DIP2A: variants seen among roughly 807,000 people sequenced by gnomAD.
The protein encoded by DIP2A is DIP2 acetate--CoA ligase A.
Under a neutral mutation model 177.4 loss-of-function variants are expected in DIP2A, and 85 were observed. The ratio of observed to expected loss-of-function variants is 0.48; its 90% CI spans 0.40 to 0.57. The LOEUF (loss-of-function observed/expected upper bound fraction) is 0.57. Among genes scored for constraint, DIP2A ranks in the 20% least tolerant of loss-of-function variants. DIP2A has a pLI of 0.00. For synonymous variants in DIP2A, 886 were observed against 881.8 expected (o/e 1.00, Z -0.08); for missense variants, 1,791 against 2,100.2 (o/e 0.85, Z 2.88).
intron 1 of DIP2A, among the ~76,000 whole-genome samples, chr21:46,463,836 G>A (rs2054560644): frequency 1.3e-5 from 2 of 151,772 alleles, no homozygotes; most frequent in Admixed American, 1.3e-4. Context: ...AGCCTCCTGA[G>A]TAGCTGGGAT....
Position 46,477,543 on chromosome 21 carries a change from T to TTGTGTGTG in DIP2A, c.92-7196_92-7189dup, listed in dbSNP as rs1555874551. On this transcript the variant is annotated intron_variant, in intron 1 of 37. Transcript: ENST00000417564. Reference sequence around the variant, plus strand: ...CTCCGCCTAAAATAAAAAAAAAGATTTGTGTGTGTGTGTGTGTGTGTGTGT... The same window carrying TTGTGTGTG: ...CTCCGCCTAAAATAAAAAAAAAGATTTGTGTGTGTGTGTGTGTGTGTGTGTGTGTGTGT... Among the ~76,000 whole-genome samples the TTGTGTGTG allele has an allele frequency of 2.7e-3, 232 of 87,132 alleles. 3 individuals are homozygous for TTGTGTGTG. Among genetic ancestry groups the TTGTGTGTG allele is most frequent in the African/African-American group, 9.5e-3 (220 of 23,232 alleles). 57.2% of individuals were successfully genotyped at this position (87,132 alleles called of 152,430 possible). A position where few individuals can be genotyped will look rare whatever the true frequency, so the allele number is the denominator to read the frequency against.
At chr21:46,521,692 A>G (rs1455541244) in intron 8 of DIP2A, among the ~76,000 whole-genome samples, 1 of 152,220 alleles carries the variant, frequency 6.6e-6, no homozygotes, top group Non-Finnish European at 1.5e-5. Flanking sequence ...CTCCAAGAAA[A>G]CTGTTGTGCT....
chr21:46,549,686 T>C (rs2060195253), intron 21 of DIP2A, 85 bp from the exon 22 acceptor site: 3 of 1,572,662 alleles, frequency 1.9e-6, no homozygotes, highest in Non-Finnish European at 2.6e-6. Flanking sequence ...TAGGACAGTC[T>C]GCCTCTTCCA....
At chr21:46,487,040 A>G (rs1429900292) in intron 2 of DIP2A, among the ~76,000 whole-genome samples, 1 of 152,142 alleles carries the variant, frequency 6.6e-6, no homozygotes, top group Non-Finnish European at 1.5e-5. Flanking sequence ...GTGAGTCCAG[A>G]AAGAGAAGGA....
chr21:46,541,918 G>T, intron 18 of DIP2A, 23 bp downstream of exon 18: 1 of 1,613,882 alleles, frequency 6.2e-7, no homozygotes. Context: ...ACCAGAGTGG[G>T]TCTTTGTCCA....
At chr21:46,554,343 T>A in intron 26 of DIP2A, 51 bp downstream of exon 26, 1 of 1,604,892 alleles carries the variant, frequency 6.2e-7, no homozygotes, top group Non-Finnish European at 8.5e-7. Context: ...AGCAGCCTCC[T>A]ATCCTAAGCA....
intron 17 of DIP2A, 42 bp from the exon 18 acceptor site, chr21:46,541,714 A>C (rs373653515): frequency 6.2e-7 from 1 of 1,612,168 alleles, no homozygotes; most frequent in African/African-American, 1.3e-5. Context: ...CTGGAATTTC[A>C]TCCCCCTCGT....
intron 8 of DIP2A, among the ~76,000 whole-genome samples, chr21:46,513,909 A>G (rs1003356403): frequency 6.6e-6 from 1 of 152,148 alleles, no homozygotes; most frequent in African/African-American, 2.4e-5. Context: ...GATAAGGGAT[A>G]CTCAACCTGT....
At chr21:46,549,679 G>C (rs1328723798) in intron 21 of DIP2A, 92 bp from the exon 22 acceptor site, 3 of 1,561,966 alleles carry the variant, frequency 1.9e-6, no homozygotes, top group Non-Finnish European at 2.6e-6. Context: ...TAAATACTAG[G>C]ACAGTCTGCC....
At position 46,498,134 on chromosome 21, in the gene DIP2A, G is replaced by A. The variant is rs1267916366; in HGVS notation, c.404-448G>A. ...ATGTTGTTGCTGGGGCCATGCACAG[G>A]CCAGGATGCCTTCTCACTGCCTCCA... is the stretch of plus-strand genomic sequence containing the variant. On this transcript the variant is annotated intron_variant, in intron 4 of 37. Coordinates refer to ENST00000417564, the MANE Select transcript of DIP2A (RefSeq NM_015151.4). The surrounding 1 kb of genome is among the most constrained non-coding windows in gnomAD (Gnocchi z 4.3). Among the ~76,000 whole-genome samples, 1 of 152,192 alleles carries A rather than the reference G, an allele frequency of 6.6e-6. No individual in the cohort carries two copies. Among genetic ancestry groups the A allele is most frequent in the African/African-American group, 2.4e-5 (1 of 41,456 alleles).
intron 8 of DIP2A, among the ~76,000 whole-genome samples, chr21:46,513,305 G>C (rs759671831): frequency 2.0e-5 from 3 of 152,150 alleles, no homozygotes; most frequent in Non-Finnish European, 4.4e-5. Context: ...TATAAAGTTG[G>C]AGTCATTTTC....
intron 6 of DIP2A, among the ~76,000 whole-genome samples, chr21:46,508,004 C>T (rs1189904720): frequency 6.6e-6 from 1 of 151,544 alleles, no homozygotes; most frequent in African/African-American, 2.4e-5. Flanking sequence ...CCCCAATGTG[C>T]TGGGATTACA....
chr21:46,498,492 C>G lies in DIP2A; in HGVS notation c.404-90C>G. ...CAGGTGTACAGAAGCATGCTGCACA[C>G]AGGTCTGGGAGGCTCCAGTGTGAGT... On this transcript the variant is annotated intron_variant, in intron 4 of 37. Transcript: ENST00000417564. This position sits in a 1 kb window ranked among gnomAD's most constrained non-coding sequence, Gnocchi z 4.3. 2 of 1,471,016 alleles carry G rather than the reference C, an allele frequency of 1.4e-6. No individual in the cohort carries two copies. The highest frequency in any genetic ancestry group is 2.3e-5 in the East Asian group (1 of 43,812). The allele number at this position is 1,471,016 out of a possible 1,614,324, so 91.1% of individuals were successfully genotyped here.
chr21:46,495,225 TTCTCTTCTCTTCTCTTCTTTCTCTC>T (rs1209495951), intron 3 of DIP2A, among the ~76,000 whole-genome samples: 2 of 94,032 alleles, frequency 2.1e-5, no homozygotes, highest in African/African-American at 1.1e-4. Context: ...TTCTCTTCTC[TTCTCTTCTCTTCTCTTCTTTCTCTC>T]TCTCTCTCTC....
rs577546371 is a variant in DIP2A at position 46,569,860 on chromosome 21, T to C, written c.*2238T>C. On this transcript the variant is annotated 3_prime_UTR_variant, in exon 38 of 38. Transcript: ENST00000417564. ...GTATAAAGAAAATTAAAATTTCTTATAATTCTACCTCTGAGTAAACAGCAG... is the reference window on the plus strand; with the variant it reads ...GTATAAAGAAAATTAAAATTTCTTACAATTCTACCTCTGAGTAAACAGCAG... 6.6e-6 allele frequency: 1 copy of C among 152,366 alleles called. No homozygotes were observed. The highest frequency in any genetic ancestry group is 2.1e-4 in the South Asian group (1 of 4,830). 9.4% of individuals were successfully genotyped at this position (152,366 alleles called of 1,614,324 possible).
At chr21:46,526,843 A>G (rs2059116546) in intron 8 of DIP2A, among the ~76,000 whole-genome samples, 1 of 152,202 alleles carries the variant, frequency 6.6e-6, no homozygotes. Flanking sequence ...CCAGTTGTTC[A>G]GCTTTTTCTC....
intron 13 of DIP2A, among the ~76,000 whole-genome samples, chr21:46,535,029 C>T (rs2059506493): frequency 6.6e-6 from 1 of 152,180 alleles, no homozygotes; most frequent in African/African-American, 2.4e-5. Context: ...CAGGCCTGCC[C>T]TGGGGGGCTG....
chr21:46,541,825 T>TTG lies in DIP2A; in HGVS notation c.2106_2107insTG (p.Ile703Ter). The TTG allele has an allele frequency of 6.2e-7, 1 of 1,614,048 alleles. No individual in the cohort carries two copies. Among genetic ancestry groups the TTG allele is most frequent in the Non-Finnish European group, 8.5e-7 (1 of 1,179,896 alleles). ...CGATGAACGGTCTAAGTTATGGTGT[T>TTG]ATCAGAGTGGATACTGAAGAAAAGT... On this transcript the variant is annotated frameshift_variant, in exon 18 of 38. Coordinates refer to ENST00000417564, the MANE Select transcript of DIP2A (RefSeq NM_015151.4). LOFTEE classifies it high-confidence loss of function.
chr21:46,485,771 A>C lies in DIP2A; in HGVS notation c.163+943A>C, dbSNP rs567080029. On this transcript the variant is annotated intron_variant, in intron 2 of 37. Transcript: ENST00000417564. ...AGTGTGAGAAGATAGTTGTAACACA[A>C]ATAAGAAGTAGTATCCAGAGGCCAG... is the stretch of plus-strand genomic sequence containing the variant. Among the ~76,000 whole-genome samples the C allele has an allele frequency of 4.6e-5, 7 of 152,200 alleles. No homozygotes were observed. In the South Asian group the frequency reaches 1.5e-3, roughly 32 times the overall value.
Sources: allele counts gnomAD v4.1 joint callset (sites outside exome capture counted in the v4.1 genomes callset), GRCh38; gene constraint gnomAD v4.1.1; non-coding constraint Gnocchi (gnomAD v3.1); transcripts MANE v1.5; gene names NCBI Gene and HGNC (gene_info 2026-07-23, HGNC 2026-07-21).